UBR4: variants seen among roughly 807,000 people sequenced by gnomAD.
UBR4 encodes the protein E3 ubiquitin-protein ligase UBR4.
In UBR4, 124 loss-of-function variants were observed where a neutral mutation model predicts 575.6. That is an observed-to-expected ratio of 0.22 (90% CI 0.19 to 0.25). The LOEUF is 0.25. Ranked by LOEUF, UBR4 falls within the 10% of genes least tolerant of loss-of-function variation. The pLI is 1.00. For missense variants in UBR4, 4,818 were observed against 6,478.8 expected, an observed-to-expected ratio of 0.74 and a Z score of 8.80; for synonymous variants, 2,455 against 2,473.7, an observed-to-expected ratio of 0.99 and a Z score of 0.22.
At position 19,081,169 on chromosome 1, in the gene UBR4, G is replaced by C. The variant is rs2076465988; in HGVS notation, c.15233+180C>G. The C allele has an allele frequency of 1.7e-5, 10 of 582,062 alleles. No homozygotes were observed. The South Asian group carries it at 1.8e-4, about 10-fold the overall frequency. 36.1% of individuals were successfully genotyped at this position (582,062 alleles called of 1,614,324 possible). Reference sequence around the variant, plus strand: ...GGAACAGAAAACCCAGAAATGACCAGGCAACCTGCCAGCCATCAGCTTAGA... The same window carrying C: ...GGAACAGAAAACCCAGAAATGACCACGCAACCTGCCAGCCATCAGCTTAGA... On this transcript the variant is annotated intron_variant, in intron 103 of 105. Transcript: ENST00000375254.
At chr1:19,149,751 G>A (rs1340632999) in intron 49 of UBR4, 1 of 1,301,380 alleles carries the variant, frequency 7.7e-7, no homozygotes, top group Admixed American at 2.3e-5. Flanking sequence ...AAAAGAAAGA[G>A]GGCATACTAA....
At chr1:19,126,333 G>T in intron 64 of UBR4, 113 bp downstream of exon 64, 1 of 1,259,534 alleles carries the variant, frequency 7.9e-7, no homozygotes, top group Non-Finnish European at 1.1e-6. Flanking sequence ...AGGAATGCCG[G>T]CTCCTTCCTA....
chr1:19,124,480 C>T, intron 65 of UBR4, 61 bp downstream of exon 65: 1 of 1,590,982 alleles, frequency 6.3e-7, no homozygotes, highest in Non-Finnish European at 8.6e-7. Context: ...AAGGGGCCCA[C>T]AGAGGTGAAT....
In UBR4 at chr1:19,156,432, T is replaced by C. The variant is rs1375579145; in HGVS notation, c.5920-9A>G. 4 of 1,608,772 alleles carry C rather than the reference T, an allele frequency of 2.5e-6. No individual in the cohort carries two copies. Among genetic ancestry groups the C allele is most frequent in the Non-Finnish European group, 2.5e-6 (3 of 1,177,758 alleles). ...GTGAGCACATGACAGTCCTGGACAA[T>C]GTTTAAGAAACAAAATGGTGAAAAG... On this transcript the variant is annotated splice_polypyrimidine_tract_variant and intron_variant, in intron 41 of 105. Transcript: ENST00000375254.
At chr1:19,122,631 G>A (rs2081294557) in intron 66 of UBR4, among the ~76,000 whole-genome samples, 1 of 152,208 alleles carries the variant, frequency 6.6e-6, no homozygotes, top group African/African-American at 2.4e-5. Flanking sequence ...AGAGTGCTGA[G>A]GGGGACATCC....
Position 19,104,674 on chromosome 1 carries a change from G to A in UBR4, c.12646-8C>T, listed in dbSNP as rs759195529. 15 of 1,613,760 alleles carry A rather than the reference G, an allele frequency of 9.3e-6. No homozygotes were observed. The stretch of plus-strand genomic sequence containing the variant: ...CAGCAGACGAGCTATTTCCTAAACA[G>A]GATGACAAGTGCAGTCAGTGTGATA... On this transcript the variant is annotated splice_region_variant and splice_polypyrimidine_tract_variant and intron_variant, in intron 85 of 105. Coordinates refer to ENST00000375254, the MANE Select transcript of UBR4 (RefSeq NM_020765.3).
intron 65 of UBR4, 50 bp from the exon 66 acceptor site, chr1:19,123,110 A>G (rs551015572): frequency 8.8e-6 from 14 of 1,583,904 alleles, no homozygotes; most frequent in East Asian, 4.5e-5. Context: ...GACTGTATCT[A>G]TATCAACTGT....
chr1:19,209,780 T>A (rs2093219451), intron 1 of UBR4, among the ~76,000 whole-genome samples: 1 of 152,126 alleles, frequency 6.6e-6, no homozygotes, highest in South Asian at 2.1e-4. Flanking sequence ...CCCGTGAACA[T>A]TCCCTTAAGA....
At position 19,170,053 on chromosome 1, in the gene UBR4, C is replaced by T. The variant is rs141326390; in HGVS notation, c.3644-521G>A. Reference sequence around the variant, plus strand: ...CAAACGATTGATTGTAAATTTTAAACGGTAACTACTGTACTTAACTCCAAT... The same window carrying T: ...CAAACGATTGATTGTAAATTTTAAATGGTAACTACTGTACTTAACTCCAAT... On this transcript the variant is annotated intron_variant, in intron 26 of 105. Transcript: ENST00000375254. Among the ~76,000 whole-genome samples the T allele has an allele frequency of 4.9e-4, 75 of 152,232 alleles. No individual in the cohort carries two copies. The East Asian group carries it at 5.0e-3, about 10-fold the overall frequency.
At chr1:19,194,120 G>A (rs2151495317) in intron 8 of UBR4, among the ~76,000 whole-genome samples, 1 of 152,234 alleles carries the variant, frequency 6.6e-6, no homozygotes, top group Non-Finnish European at 1.5e-5. Flanking sequence ...ATGGACACAT[G>A]ACACTATACA....
At position 19,151,664 on chromosome 1, in the gene UBR4, C is replaced by T. The variant is rs55848569; in HGVS notation, c.7192G>A (p.Asp2398Asn). ...PFTREEALQA[D>N]KKLNLFIGAS... ...TCACTGAAGAGGTTCAGCTTCTTAT[C>T]AGCCTGCAGGGCTTCTTCTCTGGTG... The change falls in exon 48 of 106, where the codon GAT becomes AAT. Residue 2398 changes from aspartate (D) to asparagine (N), a missense_variant. By Grantham distance (23) the Asp-to-Asn change is conservative. Coordinates refer to ENST00000375254, the MANE Select transcript of UBR4 (RefSeq NM_020765.3). 11 of 1,614,192 alleles carry T rather than the reference C, an allele frequency of 6.8e-6. No individual in the cohort carries two copies. Among genetic ancestry groups the T allele is most frequent in the Middle Eastern group, 1.6e-4 (1 of 6,062 alleles).
chr1:19,083,669 G>A (rs1306812042), intron 102 of UBR4, among the ~76,000 whole-genome samples: 1 of 152,148 alleles, frequency 6.6e-6, no homozygotes, highest in East Asian at 1.9e-4. Context: ...CGAATAGCTG[G>A]GACTACAGGT....
At position 19,170,776 on chromosome 1, in the gene UBR4, T is replaced by G. The variant is rs757784274; in HGVS notation, c.3629A>C (p.Lys1210Thr). The change falls in exon 26 of 106, where the codon AAG becomes ACG. Residue 1210 changes from lysine to threonine, a missense_variant. Lys to Thr is a moderately conservative substitution (Grantham distance 78). Coordinates refer to ENST00000375254, the MANE Select transcript of UBR4 (RefSeq NM_020765.3). Reference protein sequence around the residue: ...AVLAIGSSRCKANTLGPTLVQ... With the variant: ...AVLAIGSSRCTANTLGPTLVQ... ...TGTTCTCTTACCCAGAGTATTTGCC[T>G]TGCACCTGCTAGAGCCAATAGCCAA... 1.9e-6 allele frequency: 3 copies of G among 1,614,198 alleles called. No homozygotes were observed. In the Admixed American group the frequency reaches 5.0e-5, roughly 27 times the overall value.
chr1:19,164,179 T>G (rs993985408), intron 33 of UBR4, 74 bp downstream of exon 33: 1 of 1,510,346 alleles, frequency 6.6e-7, no homozygotes, highest in African/African-American at 1.4e-5. Flanking sequence ...CTGTACTCAC[T>G]TTGAGCTATA....
chr1:19,175,631 C>T (rs1178288461), intron 20 of UBR4, among the ~76,000 whole-genome samples: 1 of 152,008 alleles, frequency 6.6e-6, no homozygotes, highest in Non-Finnish European at 1.5e-5. Context: ...CGTTTCAGAC[C>T]AGCATATCAC....
Position 19,170,758 on chromosome 1 carries a change from T to C in UBR4, c.3643+4A>G, listed in dbSNP as rs1557888236. On this transcript the variant is annotated splice_donor_region_variant and intron_variant, in intron 26 of 105. Coordinates refer to ENST00000375254, the MANE Select transcript of UBR4 (RefSeq NM_020765.3). ...ATTACTCAAAAGCACATTTGTTCTC[T>C]TACCCAGAGTATTTGCCTTGCACCT... is the stretch of plus-strand genomic sequence containing the variant. 2 of 1,614,090 alleles carry C rather than the reference T, an allele frequency of 1.2e-6. No homozygotes were observed. Among genetic ancestry groups the C allele is most frequent in the Middle Eastern group, 1.6e-4 (1 of 6,084 alleles).
chr1:19,108,148 T>G (rs951918940), intron 81 of UBR4, among the ~76,000 whole-genome samples: 2 of 152,192 alleles, frequency 1.3e-5, no homozygotes, highest in African/African-American at 4.8e-5. Context: ...ACTCAACAAA[T>G]TACAGGGTCT....
At chr1:19,165,802 T>C (rs1268866788) in intron 29 of UBR4, 45 bp from the exon 30 acceptor site, 1 of 1,469,712 alleles carries the variant, frequency 6.8e-7, no homozygotes, top group African/African-American at 1.4e-5. Context: ...TAAGACCTGT[T>C]TCAATGTCCT....
In UBR4 at chr1:19,177,760, A is replaced by T; in HGVS notation, c.2355-17T>A. ...GACAAAAACCTACCAGAGAGAAAAG[A>T]TGACTATATCTGGTGGGAAAAAGAG... On this transcript the variant is annotated splice_polypyrimidine_tract_variant and intron_variant, in intron 18 of 105. Coordinates refer to ENST00000375254, the MANE Select transcript of UBR4 (RefSeq NM_020765.3). The T allele has an allele frequency of 6.2e-7, 1 of 1,608,650 alleles. No individual in the cohort carries two copies. The highest frequency in any genetic ancestry group is 8.5e-7 in the Non-Finnish European group (1 of 1,177,180).
Sources: allele counts gnomAD v4.1 joint callset (sites outside exome capture counted in the v4.1 genomes callset), GRCh38; gene constraint gnomAD v4.1.1; transcripts MANE v1.5; gene names NCBI Gene and HGNC (gene_info 2026-07-23, HGNC 2026-07-21).